The following RALYL variants were observed in gnomAD, a reference collection of about 807,000 sequenced individuals.
RALYL encodes RALY RNA binding protein like.
In RALYL, 29 loss-of-function variants were observed where a neutral mutation model predicts 35.1. That is an observed-to-expected ratio of 0.83 (90% CI 0.61 to 1.13). The LOEUF is 1.13. RALYL is among the 50% of genes most tolerant of loss of function. The pLI is 0.00. For missense variants in RALYL, 359 were observed against 360.4 expected, an observed-to-expected ratio of 1.00 and a Z score of 0.03; for synonymous variants, 120 against 127.6, an observed-to-expected ratio of 0.94 and a Z score of 0.40.
intron 2 of RALYL, among the ~76,000 whole-genome samples, chr8:84,533,657 A>C (rs2059413204): frequency 6.6e-6 from 1 of 152,222 alleles, no homozygotes; most frequent in South Asian, 2.1e-4. Context: ...GTCCTTAAGA[A>C]GCAAAGTGTG....
chr8:84,834,484 T>C (rs1831547475), intron 4 of RALYL, among the ~76,000 whole-genome samples: 1 of 152,184 alleles, frequency 6.6e-6, no homozygotes, highest in Admixed American at 6.5e-5. Context: ...TGGTTATCAC[T>C]GGGCCTCTGA....
intron 1 of RALYL, among the ~76,000 whole-genome samples, chr8:84,307,222 G>A (rs1264312128): frequency 6.6e-6 from 1 of 152,088 alleles, no homozygotes; most frequent in Admixed American, 6.6e-5. Context: ...GAGTAGACTT[G>A]CCTTTATTCC....
intron 8 of RALYL, among the ~76,000 whole-genome samples, chr8:84,891,447 G>T (rs982506227): frequency 2.0e-5 from 3 of 152,264 alleles, no homozygotes; most frequent in Admixed American, 2.0e-4. Flanking sequence ...CAATATGTCT[G>T]AAAGAGCAAG....
At chr8:84,516,529 G>A (rs933518327) in intron 1 of RALYL, among the ~76,000 whole-genome samples, 1 of 152,062 alleles carries the variant, frequency 6.6e-6, no homozygotes, top group Non-Finnish European at 1.5e-5. Flanking sequence ...ATTTATGTAT[G>A]AAGTTCATTT....
At chr8:84,499,750 T>C (rs2056464711) in intron 1 of RALYL, among the ~76,000 whole-genome samples, 1 of 152,064 alleles carries the variant, frequency 6.6e-6, no homozygotes, top group African/African-American at 2.4e-5. Context: ...TTATAAATGA[T>C]GTGATTATTT....
chr8:84,327,282 G>A (rs80295922), intron 1 of RALYL, among the ~76,000 whole-genome samples: 4,121 of 152,064 alleles, frequency 0.027, 102 homozygotes, highest in Non-Finnish European at 0.031. Context: ...TGAAGTATAG[G>A]GTAAGATATT....
chr8:84,466,926 G>C (rs2051766206), intron 1 of RALYL, among the ~76,000 whole-genome samples: 2 of 151,874 alleles, frequency 1.3e-5, no homozygotes, highest in Admixed American at 1.3e-4. Context: ...TAGTTTATTT[G>C]CGTAGAGGTG....
At chr8:84,658,894 G>A (rs1004571687) in intron 2 of RALYL, among the ~76,000 whole-genome samples, 20 of 151,906 alleles carry the variant, frequency 1.3e-4, no homozygotes, top group Non-Finnish European at 2.5e-4. Context: ...CTCAGTTTGC[G>A]GCTGGATATG....
intron 1 of RALYL, among the ~76,000 whole-genome samples, chr8:84,335,658 T>G (rs1237704142): frequency 2.6e-5 from 4 of 151,596 alleles, no homozygotes; most frequent in Non-Finnish European, 5.9e-5. Flanking sequence ...TGCCATCATT[T>G]TGACTACCTC....
At chr8:84,377,207 G>A (rs984450072) in intron 1 of RALYL, among the ~76,000 whole-genome samples, 27 of 151,648 alleles carry the variant, frequency 1.8e-4, no homozygotes, top group African/African-American at 6.3e-4. Flanking sequence ...TTTATTGAAG[G>A]TCTGGAGTCT....
At chr8:84,573,921 G>A (rs1402464079) in intron 2 of RALYL, among the ~76,000 whole-genome samples, 1 of 150,940 alleles carries the variant, frequency 6.6e-6, no homozygotes, top group Admixed American at 6.6e-5. Flanking sequence ...TTAATTTTAG[G>A]CTTGCTTATA....
chr8:84,747,524 T>C (rs1808902726), intron 2 of RALYL, among the ~76,000 whole-genome samples: 1 of 151,862 alleles, frequency 6.6e-6, no homozygotes, highest in Non-Finnish European at 1.5e-5. Flanking sequence ...ATATGTAACT[T>C]TAGTACATCT....
At chr8:84,654,097 A>G (rs1355768581) in intron 2 of RALYL, among the ~76,000 whole-genome samples, 1 of 149,878 alleles carries the variant, frequency 6.7e-6, no homozygotes, top group African/African-American at 2.4e-5. Flanking sequence ...AAATATATAT[A>G]TACACACATA....
chr8:84,287,932 C>T (rs1837977952), intron 1 of RALYL, among the ~76,000 whole-genome samples: 1 of 152,120 alleles, frequency 6.6e-6, no homozygotes, highest in African/African-American at 2.4e-5. Context: ...TCTGTGATTA[C>T]TGAGATCAAA....
chr8:84,645,207 A>T (rs184113120), intron 2 of RALYL, among the ~76,000 whole-genome samples: 2 of 151,780 alleles, frequency 1.3e-5, no homozygotes, highest in Non-Finnish European at 2.9e-5. Context: ...GTAATTACTG[A>T]ATATATTATT....
intron 1 of RALYL, among the ~76,000 whole-genome samples, chr8:84,307,554 A>C (rs941602964): frequency 6.6e-6 from 1 of 152,214 alleles, no homozygotes; most frequent in African/African-American, 2.4e-5. Flanking sequence ...TCAAAATGGC[A>C]TCAAAACCAA....
intron 1 of RALYL, among the ~76,000 whole-genome samples, chr8:84,277,016 C>T (rs1209988556): frequency 1.3e-5 from 2 of 152,160 alleles, no homozygotes; most frequent in Non-Finnish European, 2.9e-5. Flanking sequence ...GCTGCCATTG[C>T]ACAAGGTTTG....
chr8:84,711,193 T>TC (rs1431738061), intron 2 of RALYL, among the ~76,000 whole-genome samples: 1 of 151,876 alleles, frequency 6.6e-6, no homozygotes, highest in African/African-American at 2.4e-5. Flanking sequence ...AAAGATGAGG[T>TC]CAAAAAAGCA....
At chr8:84,672,079 T>A (rs1486846471) in intron 2 of RALYL, among the ~76,000 whole-genome samples, 2 of 152,234 alleles carry the variant, frequency 1.3e-5, no homozygotes, top group Non-Finnish European at 2.9e-5. Context: ...AAGTCACATC[T>A]CTAATACTTT....
Sources: gnomAD v4.1 joint callset for allele counts (sites outside exome capture counted in the v4.1 genomes callset) on GRCh38, gnomAD v4.1.1 for gene constraint, MANE v1.5 for transcripts, NCBI Gene and HGNC (gene_info 2026-07-23, HGNC 2026-07-21) for gene names.